Variants in SPECC1L observed in about 807,000 individuals in gnomAD.
The protein encoded by SPECC1L is cytospin-A.
SPECC1L carries 40 observed loss-of-function variants against 116.8 expected under a neutral mutation model. That is an observed-to-expected ratio of 0.34 (90% confidence interval 0.27 to 0.45). SPECC1L has a LOEUF of 0.45. SPECC1L is among the 20% of genes least tolerant of loss of function. SPECC1L has a pLI of 1.00. For synonymous variants in SPECC1L, 504 were observed against 500.6 expected, an observed-to-expected ratio of 1.01 and a Z score of -0.09; for missense variants, 1,110 against 1,373.6, an observed-to-expected ratio of 0.81 and a Z score of 3.03.
chr22:24,317,583 C>T lies in SPECC1L; in HGVS notation c.308-3705C>T, dbSNP rs1479669053. ...CCGGGCAGAGGCGCCCCTCGCCTCC[C>T]GGACGGGGCGGCTGGCCGGGCGGGG... On this transcript the variant is annotated intron_variant, in intron 4 of 16. Coordinates refer to ENST00000314328, the MANE Select transcript of SPECC1L (RefSeq NM_015330.6). Among the ~76,000 whole-genome samples, 517 of 147,790 alleles carry T rather than the reference C, an allele frequency of 3.5e-3. 3 individuals carry two copies. The highest frequency in any genetic ancestry group is 0.012 in the African/African-American group (478 of 40,106).
At position 24,349,769 on chromosome 22, in the gene SPECC1L, A is replaced by G. The variant is rs2041383122; in HGVS notation, c.2743+2593A>G. ...TCTACTTTCAAAATATGTCCAGAAT[A>G]AGAGCATTGCTCTTTTCTCTACTGT... On this transcript the variant is annotated intron_variant, in intron 11 of 16. Coordinates refer to ENST00000314328, the MANE Select transcript of SPECC1L (RefSeq NM_015330.6). 2.6e-5 allele frequency among the ~76,000 whole-genome samples: 4 copies of G among 152,192 alleles called. No homozygotes were observed. The South Asian group carries it at 6.2e-4, about 24-fold the overall frequency.
chr22:24,280,986 C>T (rs1341178919), intron 2 of SPECC1L, among the ~76,000 whole-genome samples: 4 of 152,164 alleles, frequency 2.6e-5, no homozygotes, highest in African/African-American at 9.6e-5. Flanking sequence ...GATTTGGCCC[C>T]GGATTGTGGT....
In SPECC1L at chr22:24,322,105, C is replaced by G; in HGVS notation, c.1125C>G (p.Pro375=). 2 of 1,614,068 alleles carry G rather than the reference C, an allele frequency of 1.2e-6. No individual in the cohort carries two copies. Among genetic ancestry groups the G allele is most frequent in the Non-Finnish European group, 1.7e-6 (2 of 1,180,028 alleles). Residue 375 remains proline (P), a synonymous_variant, in exon 5 of 17, where the codon CCC becomes CCG. Transcript: ENST00000314328. ...APSSSESEGI[P]SIERSRKGSS... ...CCTCCTCAGAGTCGGAAGGCATCCC[C>G]AGCATAGAGCGCTCCCGGAAGGGGA... is the stretch of plus-strand genomic sequence containing the variant.
intron 8 of SPECC1L, among the ~76,000 whole-genome samples, chr22:24,332,955 G>A (rs1601568275): frequency 6.6e-6 from 1 of 152,232 alleles, no homozygotes; most frequent in Non-Finnish European, 1.5e-5. Context: ...TCAGCCGGGC[G>A]CAGTGGCTCA....
intron 14 of SPECC1L, among the ~76,000 whole-genome samples, chr22:24,388,292 C>T (rs1388712702): frequency 1.5e-5 from 2 of 134,110 alleles, no homozygotes; most frequent in African/African-American, 5.6e-5. Flanking sequence ...TCCATGTGTT[C>T]TCATTGTTCA....
intron 3 of SPECC1L, among the ~76,000 whole-genome samples, chr22:24,302,834 G>A (rs187884305): frequency 5.9e-4 from 90 of 152,292 alleles, no homozygotes; most frequent in Admixed American, 1.9e-3. Flanking sequence ...TGTGAGCCAA[G>A]TCTGGCAGTC....
chr22:24,284,509 A>G (rs539168689), intron 2 of SPECC1L, among the ~76,000 whole-genome samples: 1 of 152,114 alleles, frequency 6.6e-6, no homozygotes, highest in African/African-American at 2.4e-5. Context: ...ATCTCGGCTC[A>G]CTGCAAGCTC....
At chr22:24,342,601 A>AG in intron 10 of SPECC1L, among the ~76,000 whole-genome samples, 1 of 144,316 alleles carries the variant, frequency 6.9e-6, no homozygotes, top group East Asian at 2.1e-4. Flanking sequence ...TGAACCCAGG[A>AG]GGGGGAGGTT....
intron 2 of SPECC1L, among the ~76,000 whole-genome samples, chr22:24,285,403 C>G (rs5751837): frequency 6.6e-6 from 1 of 151,966 alleles, no homozygotes; most frequent in African/African-American, 2.4e-5. Context: ...GATGAAAGAC[C>G]GAAATTTGGA....
intron 8 of SPECC1L, among the ~76,000 whole-genome samples, chr22:24,332,183 A>G (rs2040952345): frequency 6.6e-6 from 1 of 152,254 alleles, no homozygotes; most frequent in South Asian, 2.1e-4. Flanking sequence ...AACTGACAGT[A>G]TTCGTTGCCA....
chr22:24,393,460 G>T (rs2042309399), intron 14 of SPECC1L, among the ~76,000 whole-genome samples: 1 of 152,168 alleles, frequency 6.6e-6, no homozygotes, highest in African/African-American at 2.4e-5. Flanking sequence ...CACACAAGAT[G>T]ACTTTCTGCC....
rs1392757626 is a variant in SPECC1L, at chr22:24,322,488, GT to G, written c.1512del (p.Phe504LeufsTer13). On this transcript the variant is annotated frameshift_variant, in exon 5 of 17. Transcript: ENST00000314328. LOFTEE classifies it high-confidence loss of function. ...TACATGGACCTCGCTGAGAATGCCC[GT>G]TTTGAACGGGAGCAGCTTCTTGGTG... is the stretch of plus-strand genomic sequence containing the variant. ...QRYMDLAENA[R>X]FEREQLLGVQ... The G allele has an allele frequency of 6.2e-7, 1 of 1,614,040 alleles. No homozygotes were observed. The highest frequency in any genetic ancestry group is 1.3e-5 in the African/African-American group (1 of 74,920).
intron 8 of SPECC1L, among the ~76,000 whole-genome samples, chr22:24,333,003 C>CG (rs1200367485): frequency 6.6e-6 from 1 of 152,008 alleles, no homozygotes; most frequent in Non-Finnish European, 1.5e-5. Flanking sequence ...CCTAGGTGAG[C>CG]GGATCACCTG....
chr22:24,288,157 C>G (rs140772673), intron 2 of SPECC1L, among the ~76,000 whole-genome samples: 1 of 152,102 alleles, frequency 6.6e-6, no homozygotes, highest in Non-Finnish European at 1.5e-5. Context: ...TTTTACGGAA[C>G]GATTTACAGA....
intron 4 of SPECC1L, among the ~76,000 whole-genome samples, chr22:24,319,805 C>G (rs1428105838): frequency 6.6e-6 from 1 of 152,194 alleles, no homozygotes; most frequent in Non-Finnish European, 1.5e-5. Context: ...TCATTTGCTC[C>G]CTGTTACCTC....
At chr22:24,283,113 C>T (rs2048977069) in intron 2 of SPECC1L, among the ~76,000 whole-genome samples, 1 of 150,958 alleles carries the variant, frequency 6.6e-6, no homozygotes, top group Non-Finnish European at 1.5e-5. Context: ...GGGTCTTGTA[C>T]TGCTGCCCAG....
chr22:24,376,826 TTTC>T (rs1937268441), intron 14 of SPECC1L, among the ~76,000 whole-genome samples: 1 of 152,120 alleles, frequency 6.6e-6, no homozygotes. Flanking sequence ...GTTTTTTTTT[TTTC>T]TTAAGAAAGA....
chr22:24,403,245 T>C (rs2042515131), intron 14 of SPECC1L, among the ~76,000 whole-genome samples: 1 of 152,174 alleles, frequency 6.6e-6, no homozygotes, highest in African/African-American at 2.4e-5. Context: ...ATGTCATCTC[T>C]CTTGTTTTGT....
intron 14 of SPECC1L, among the ~76,000 whole-genome samples, chr22:24,398,692 C>A (rs558343808): frequency 1.3e-5 from 2 of 152,298 alleles, no homozygotes; most frequent in East Asian, 3.9e-4. Context: ...CCTGAAGACA[C>A]AATTGGTGAC....
Sources: gnomAD v4.1 joint callset for allele counts (sites outside exome capture counted in the v4.1 genomes callset) on GRCh38, gnomAD v4.1.1 for gene constraint, MANE v1.5 for transcripts, NCBI Gene and HGNC (gene_info 2026-07-23, HGNC 2026-07-21) for gene names.